Variants in DSC3 observed in about 807,000 individuals in gnomAD.
DSC3 encodes the protein desmocollin 3, also known as desmocollin-3.
DSC3 carries 97 observed loss-of-function variants against 89.5 expected under a neutral mutation model. The ratio of observed to expected loss-of-function variants is 1.08; its 90% CI spans 0.92 to 1.28. DSC3 has a LOEUF of 1.28. Among genes scored for constraint, DSC3 ranks in the 50% most tolerant of loss-of-function variants. DSC3 has a pLI of 0.00. For synonymous variants in DSC3, 436 were observed against 384.1 expected, an observed-to-expected ratio of 1.14 and a Z score of -1.58; for missense variants, 1,199 against 1,085.3, an observed-to-expected ratio of 1.10 and a Z score of -1.47.
At chr18:31,001,079 T>TTGTG (rs143984388) in intron 14 of DSC3, among the ~76,000 whole-genome samples, 15,272 of 127,134 alleles carry the variant, frequency 0.12, 1,244 homozygotes, top group African/African-American at 0.19. Flanking sequence ...TATATATACT[T>TTGTG]TGTGTGTGTG....
chr18:31,037,046 C>T (rs1985995348), intron 1 of DSC3, among the ~76,000 whole-genome samples: 1 of 152,110 alleles, frequency 6.6e-6, no homozygotes, highest in South Asian at 2.1e-4. Context: ...CTGCCTCAGC[C>T]TCCCAAAGTG....
chr18:31,031,145 G>A lies in DSC3; in HGVS notation c.182C>T (p.Ala61Val). 6 of 1,613,054 alleles carry A rather than the reference G, an allele frequency of 3.7e-6. No individual in the cohort carries two copies. The highest frequency in any genetic ancestry group is 1.3e-5 in the African/African-American group (1 of 74,976). ...AGGATCACTTGACCGGATGAGGTCT[G>A]CAGACCTGAAGCACTCTTCCAAATT... ...RVNLEECFRS[A>V]DLIRSSDPDF... Residue 61 changes from alanine (A) to valine (V), a missense_variant, in exon 3 of 16, where the codon GCA becomes GTA. Transcript: ENST00000360428.
chr18:31,038,081 G>A (rs1334170550), intron 1 of DSC3, among the ~76,000 whole-genome samples: 4 of 151,984 alleles, frequency 2.6e-5, no homozygotes, highest in Admixed American at 2.0e-4. Flanking sequence ...TTCCTTTCCT[G>A]ATAAGCCTTA....
Position 30,996,829 on chromosome 18 carries a change from A to C in DSC3, c.2455T>G (p.Ser819Ala). ...GGTTGAGTAAAACTGTGCCACTCCG[A>C]GTAAGTGTATCTGCAGTTGTCCACC... ...TEVDNCRYTY[S>A]EWHSFTQPRL... Residue 819 changes from serine (S) to alanine (A), a missense_variant, in exon 15 of 16, where the codon TCG becomes GCG. By Grantham distance (99) the Ser-to-Ala change is moderately conservative. Transcript: ENST00000360428. 4 of 1,612,846 alleles carry C rather than the reference A, an allele frequency of 2.5e-6. No individual in the cohort carries two copies. In the South Asian group the frequency reaches 4.4e-5, roughly 18 times the overall value.
rs1378518041 is a variant in DSC3, at chr18:31,006,962, A to G, written c.1833T>C (p.Ser611=). 6.2e-7 allele frequency: 1 copy of G among 1,613,944 alleles called. No homozygotes were observed. The highest frequency in any genetic ancestry group is 1.7e-5 in the Admixed American group (1 of 59,996). Residue 611 remains serine, a synonymous_variant, in exon 12 of 16, where the codon AGT becomes AGC. Transcript: ENST00000360428. ...TGATTTCTGGAGAAGTATTGGGCAA[A>G]CTGAAATAAAATGGAGCTCCATGGA... ...EPVHGAPFYF[S]LPNTSPEISR... is the part of the protein sequence containing the mutation.
chr18:31,021,535 A>G (rs1234236005), intron 7 of DSC3, among the ~76,000 whole-genome samples: 1 of 152,174 alleles, frequency 6.6e-6, no homozygotes, highest in Non-Finnish European at 1.5e-5. Context: ...TCTTCCTTAT[A>G]ATATATTTTC....
chr18:31,009,727 T>C (rs527808279), intron 9 of DSC3, among the ~76,000 whole-genome samples: 2 of 152,288 alleles, frequency 1.3e-5, no homozygotes, highest in East Asian at 3.9e-4. Context: ...GAAGTAAGTA[T>C]TATTGACCTC....
intron 1 of DSC3, 152 bp from the exon 2 acceptor site, chr18:31,032,428 T>C (rs1985822424): frequency 1.5e-6 from 1 of 661,512 alleles, no homozygotes; most frequent in African/African-American, 1.8e-5. Context: ...ATTTGCTCAA[T>C]ATGGTAAAGT....
Position 30,989,407 on chromosome 18 carries a change from C to A in DSC3, c.*4768G>T, listed in dbSNP as rs1433367319. On this transcript the variant is annotated 3_prime_UTR_variant, in exon 16 of 16. Coordinates refer to ENST00000360428, the MANE Select transcript of DSC3 (RefSeq NM_001941.5). Reference sequence around the variant, plus strand: ...ATATGAATGTCCAGAGTAGGCAAATCCATAGAGACAGAAAAGATATCAGTG... The same window carrying A: ...ATATGAATGTCCAGAGTAGGCAAATACATAGAGACAGAAAAGATATCAGTG... 6.6e-6 allele frequency among the ~76,000 whole-genome samples: 1 copy of A among 152,026 alleles called. No homozygotes were observed. Among genetic ancestry groups the A allele is most frequent in the African/African-American group, 2.4e-5 (1 of 41,390 alleles).
rs56327995 is a variant in DSC3, at chr18:31,000,849, T to C, written c.2235+769A>G. Among the ~76,000 whole-genome samples, 1,131 of 152,028 alleles carry C rather than the reference T, an allele frequency of 7.4e-3. 13 individuals are homozygous for C. Among genetic ancestry groups the C allele is most frequent in the African/African-American group, 0.026 (1,078 of 41,514 alleles). On this transcript the variant is annotated intron_variant, in intron 14 of 15. Transcript: ENST00000360428. The stretch of plus-strand genomic sequence containing the variant: ...AGGTATCATAGGTGTTTTTGAACTC[T>C]GACAGTGCTTTATCATATTGGTTTA...
Position 31,025,741 on chromosome 18 carries a change from A to G in DSC3, c.630+19T>C. On this transcript the variant is annotated intron_variant, in intron 5 of 15. Coordinates refer to ENST00000360428, the MANE Select transcript of DSC3 (RefSeq NM_001941.5). ...ATAGTTTAATAATTTAAAGTCAGGC[A>G]TATCAATAAAAGTCCTACATCAAAA... 1 of 1,610,736 alleles carries G rather than the reference A, an allele frequency of 6.2e-7. No homozygotes were observed.
At chr18:31,030,839 C>G (rs1393000461) in intron 3 of DSC3, 134 bp downstream of exon 3, 3 of 810,326 alleles carry the variant, frequency 3.7e-6, no homozygotes, top group South Asian at 1.6e-5. Flanking sequence ...AAAATGGAAA[C>G]GAAGTGAAAG....
In DSC3 at chr18:31,022,415, G is replaced by A. The variant is rs1181123329; in HGVS notation, c.863C>T (p.Thr288Ile). The change falls in exon 7 of 16, where the codon ACA (threonine) becomes ATA (isoleucine). Residue 288 changes from threonine to isoleucine, a missense_variant. Physicochemically the swap from Thr to Ile is moderately conservative, Grantham distance 89. Coordinates refer to ENST00000360428, the MANE Select transcript of DSC3 (RefSeq NM_001941.5). ...AGAAAAGAGCCCAGGTGACCTTGGT[G>A]TCTGCTGCAAAATGCTGTATTTCAG... ...TRLKYSILQQ[T>I]PRSPGLFSVH... The A allele has an allele frequency of 6.2e-7, 1 of 1,614,070 alleles. No individual in the cohort carries two copies. Among genetic ancestry groups the A allele is most frequent in the African/African-American group, 1.3e-5 (1 of 75,034 alleles).
chr18:30,998,883 C>T (rs537626417), intron 14 of DSC3, among the ~76,000 whole-genome samples: 2 of 152,130 alleles, frequency 1.3e-5, no homozygotes, highest in South Asian at 4.2e-4. Flanking sequence ...ATGAGCTTTG[C>T]CAAAAGAATT....
intron 1 of DSC3, among the ~76,000 whole-genome samples, chr18:31,039,639 C>G (rs1485754171): frequency 1.3e-5 from 2 of 152,126 alleles, no homozygotes; most frequent in Admixed American, 6.5e-5. Context: ...GATGGGAATT[C>G]CAGCTATCAT....
At chr18:31,019,984 T>A (rs998230065) in intron 7 of DSC3, among the ~76,000 whole-genome samples, 1 of 151,978 alleles carries the variant, frequency 6.6e-6, no homozygotes, top group Admixed American at 6.6e-5. Flanking sequence ...GACAGGTGCA[T>A]CATCAAACAA....
chr18:30,998,071 A>T (rs1984536641), intron 14 of DSC3, among the ~76,000 whole-genome samples: 1 of 152,256 alleles, frequency 6.6e-6, no homozygotes, highest in Non-Finnish European at 1.5e-5. Flanking sequence ...ATTTTAACTC[A>T]TTACAGAGAG....
Position 31,008,372 on chromosome 18 carries a change from G to A in DSC3, c.1417C>T (p.Pro473Ser). ...RDLDEGPECT[P>S]AAQYVRIKEN... is the part of the protein sequence containing the mutation. ...TTAATCCGCACATATTGGGCTGCAG[G>A]AGTGCATTCAGGCCCCTCATCCAGA... The change falls in exon 10 of 16, where the codon CCT becomes TCT. Residue 473 changes from proline to serine, a missense_variant. By Grantham distance (74) the Pro-to-Ser change is moderately conservative. Transcript: ENST00000360428. The A allele has an allele frequency of 6.2e-7, 1 of 1,614,066 alleles. No homozygotes were observed. The highest frequency in any genetic ancestry group is 8.5e-7 in the Non-Finnish European group (1 of 1,180,006).
Position 31,008,024 on chromosome 18 carries a change from A to G in DSC3, c.1655T>C (p.Ile552Thr). Residue 552 changes from isoleucine (I) to threonine (T), a missense_variant, in exon 11 of 16, where the codon ATA (isoleucine) becomes ACA (threonine). Ile to Thr is a moderately conservative substitution (Grantham distance 89). Coordinates refer to ENST00000360428, the MANE Select transcript of DSC3 (RefSeq NM_001941.5). ...TAAAACTTTTTTTTTACCTTTGTCT[A>G]TTGCCAGGACTGTAATATTATACAA... The part of the protein sequence containing the change: ...NELYNITVLA[I>T]DKDDRSCTGT... 6.2e-7 allele frequency: 1 copy of G among 1,612,434 alleles called. No homozygotes were observed. Among genetic ancestry groups the G allele is most frequent in the Non-Finnish European group, 8.5e-7 (1 of 1,179,042 alleles).
Sources: allele counts gnomAD v4.1 joint callset (sites outside exome capture counted in the v4.1 genomes callset), GRCh38; gene constraint gnomAD v4.1.1; transcripts MANE v1.5; gene names NCBI Gene and HGNC (gene_info 2026-07-23, HGNC 2026-07-21).